The following PER3 variants were observed in gnomAD, a reference collection of about 807,000 sequenced individuals.
PER3 encodes period circadian regulator 3.
A neutral mutation model predicts 127.2 loss-of-function variants in PER3; 107 were observed. The ratio of observed to expected loss-of-function variants is 0.84; its 90% CI spans 0.72 to 0.99. PER3 has a LOEUF of 0.99. PER3 is among the 50% of genes least tolerant of loss of function. The pLI, the probability that PER3 is intolerant of heterozygous loss-of-function variation, is 0.00. For missense variants in PER3, 1,560 were observed against 1,525.8 expected, an observed-to-expected ratio of 1.02 and a Z score of -0.37; for synonymous variants, 618 against 585.8, an observed-to-expected ratio of 1.05 and a Z score of -0.79.
chr1:7,797,969 G>A (rs1233461796), intron 6 of PER3, among the ~76,000 whole-genome samples: 3 of 152,338 alleles, frequency 2.0e-5, no homozygotes, highest in East Asian at 1.9e-4. Context: ...CAGGGACAGG[G>A]CTTGCTGAAC....
At chr1:7,833,300 G>A (rs1026122210) in intron 19 of PER3, among the ~76,000 whole-genome samples, 2 of 152,168 alleles carry the variant, frequency 1.3e-5, no homozygotes, top group Non-Finnish European at 2.9e-5. Context: ...GGTTGATAAT[G>A]TTGATCCAAC....
At chr1:7,825,946 G>A (rs1454042421) in intron 16 of PER3, among the ~76,000 whole-genome samples, 3 of 151,572 alleles carry the variant, frequency 2.0e-5, no homozygotes, top group Admixed American at 6.6e-5. Context: ...TGTGGCACAC[G>A]CTTATAGTCC....
In PER3 at chr1:7,794,010, T is replaced by C; in HGVS notation, c.644+2T>C. 1 of 1,612,534 alleles carries C rather than the reference T, an allele frequency of 6.2e-7. No individual in the cohort carries two copies. The highest frequency in any genetic ancestry group is 8.5e-7 in the Non-Finnish European group (1 of 1,178,558). On this transcript the variant is annotated splice_donor_variant, in intron 6 of 21. Transcript: ENST00000377532. LOFTEE classifies it high-confidence loss of function. Reference sequence around the variant, plus strand: ...GAAACCTTTTTTCTGCAGGATCCGGTAAGTATAGTGGCTCGTGGAAGCCAG... The same window carrying C: ...GAAACCTTTTTTCTGCAGGATCCGGCAAGTATAGTGGCTCGTGGAAGCCAG...
chr1:7,788,167 T>C lies in PER3; in HGVS notation c.513T>C (p.Leu171=), dbSNP rs1205728491. 8 of 1,613,908 alleles carry C rather than the reference T, an allele frequency of 5.0e-6. No individual in the cohort carries two copies. The highest frequency in any genetic ancestry group is 6.8e-6 in the Non-Finnish European group (8 of 1,179,896). The change falls in exon 5 of 22, where the codon CTT becomes CTC. Residue 171 remains leucine, a synonymous_variant. Coordinates refer to ENST00000377532, the MANE Select transcript of PER3 (RefSeq NM_001377275.1). ...VLASSHFVDL[L]APQDMRVFYA... ...CGTCTTCTCACTTTGTTGACCTGCT[T>C]GCACCTCAAGACATGAGGGTATTCT...
At chr1:7,819,535 T>C in intron 14 of PER3, 115 bp downstream of exon 14, 3 of 893,480 alleles carry the variant, frequency 3.4e-6, no homozygotes, top group Non-Finnish European at 1.8e-6. Flanking sequence ...TCACTATAAA[T>C]CAGTAGACGT....
chr1:7,789,072 ATTTAT>A (rs1430940529), intron 5 of PER3, among the ~76,000 whole-genome samples: 1 of 151,486 alleles, frequency 6.6e-6, no homozygotes, highest in African/African-American at 2.4e-5. Flanking sequence ...TGTGATCTTA[ATTTAT>A]TTCTTTTTAG....
chr1:7,798,201 T>C (rs533142354), intron 6 of PER3, among the ~76,000 whole-genome samples: 10 of 152,354 alleles, frequency 6.6e-5, no homozygotes, highest in East Asian at 3.9e-4. Flanking sequence ...GAGACAGTTA[T>C]GCTTGTCCCT....
At chr1:7,789,832 A>G (rs550839009) in intron 5 of PER3, among the ~76,000 whole-genome samples, 3 of 152,326 alleles carry the variant, frequency 2.0e-5, no homozygotes, top group Non-Finnish European at 4.4e-5. Context: ...AAGCTCTAGA[A>G]AACATGCATG....
intron 8 of PER3, among the ~76,000 whole-genome samples, chr1:7,802,419 C>T (rs1280837556): frequency 3.9e-5 from 6 of 152,058 alleles, no homozygotes; most frequent in African/African-American, 9.7e-5. Context: ...CACACCACCA[C>T]ACCCGGCTAA....
chr1:7,830,258 A>G, intron 19 of PER3, 97 bp downstream of exon 19: 2 of 1,116,798 alleles, frequency 1.8e-6, no homozygotes, highest in Non-Finnish European at 2.6e-6. Context: ...ATGTGGAAGT[A>G]CAAGGTTTTT....
intron 21 of PER3, among the ~76,000 whole-genome samples, chr1:7,839,515 A>G (rs2097374329): frequency 6.6e-6 from 1 of 152,222 alleles, no homozygotes; most frequent in South Asian, 2.1e-4. Flanking sequence ...ACACAGCTTC[A>G]GGTTACTGTC....
Position 7,801,144 on chromosome 1 carries a change from C to A in PER3, c.825C>A (p.Phe275Leu). ...APRIPVNKRI[F>L]TTTHTPGCVF... ...GGATCCCAGTGAATAAAAGAATCTTCACCACCACACACACCCCAGGGTGTG... is the reference window on the plus strand; with the variant it reads ...GGATCCCAGTGAATAAAAGAATCTTAACCACCACACACACCCCAGGGTGTG... Residue 275 changes from phenylalanine (F) to leucine (L), a missense_variant, in exon 8 of 22, where the codon TTC becomes TTA. Phe to Leu is a conservative substitution (Grantham distance 22). Coordinates refer to ENST00000377532, the MANE Select transcript of PER3 (RefSeq NM_001377275.1). 6.2e-7 allele frequency: 1 copy of A among 1,607,254 alleles called. No individual in the cohort carries two copies. Among genetic ancestry groups the A allele is most frequent in the Non-Finnish European group, 8.5e-7 (1 of 1,175,962 alleles).
chr1:7,800,675 T>C (rs1187483270), intron 7 of PER3, among the ~76,000 whole-genome samples: 2 of 152,014 alleles, frequency 1.3e-5, no homozygotes, highest in African/African-American at 4.8e-5. Context: ...AAATGATTTA[T>C]GATGAGCCAG....
At chr1:7,796,505 G>A (rs1190681114) in intron 6 of PER3, among the ~76,000 whole-genome samples, 2 of 151,818 alleles carry the variant, frequency 1.3e-5, no homozygotes, top group Non-Finnish European at 2.9e-5. Flanking sequence ...TGTAGAGACG[G>A]GGTTTCTCCA....
intron 19 of PER3, among the ~76,000 whole-genome samples, chr1:7,830,387 C>T (rs899597725): frequency 2.6e-5 from 4 of 152,116 alleles, no homozygotes; most frequent in East Asian, 1.9e-4. Context: ...TTAGTGTAAG[C>T]GCTACCACAA....
chr1:7,844,899 T>C lies in PER3; in HGVS notation c.*2144T>C, dbSNP rs1029595851. 1 of 152,408 alleles carries C rather than the reference T, an allele frequency of 6.6e-6. No individual in the cohort carries two copies. Among genetic ancestry groups the C allele is most frequent in the Admixed American group, 6.5e-5 (1 of 15,290 alleles). The allele number at this position is 152,408 out of a possible 1,614,324, so 9.4% of individuals were successfully genotyped here. On this transcript the variant is annotated 3_prime_UTR_variant, in exon 22 of 22. Transcript: ENST00000377532. ...TGAAAGTGGTAATAAAAATTTATAT[T>C]ATAGGCTTCAATGTTTTCATGAATG...
chr1:7,796,314 G>A (rs2097145012), intron 6 of PER3, among the ~76,000 whole-genome samples: 1 of 69,248 alleles, frequency 1.4e-5, no homozygotes, highest in Non-Finnish European at 3.2e-5. Context: ...GTTCATTTCA[G>A]TTTCCTTTTT....
Position 7,826,610 on chromosome 1 carries a change from G to A in PER3, c.2088G>A (p.Gln696=), listed in dbSNP as rs1012187381. The change falls in exon 17 of 22, where the codon CAG becomes CAA. Residue 696 remains glutamine (Q), a synonymous_variant. Coordinates refer to ENST00000377532, the MANE Select transcript of PER3 (RefSeq NM_001377275.1). This position sits in a 1 kb window ranked among gnomAD's most constrained non-coding sequence, Gnocchi z 4.2. The part of the protein sequence containing the change: ...VLSAHTQKEE[Q]NYVDKFREKI... The stretch of plus-strand genomic sequence containing the variant: ...CAGCGCACACCCAGAAGGAAGAGCA[G>A]AATTATGTTGATAAATTCCGAGAAA... The A allele has an allele frequency of 1.2e-6, 2 of 1,613,452 alleles. No homozygotes were observed. The highest frequency in any genetic ancestry group is 1.7e-6 in the Non-Finnish European group (2 of 1,179,528).
rs112027086 is a variant in PER3 at position 7,784,740 on chromosome 1, C to T, written c.-138C>T. On this transcript the variant is annotated 5_prime_UTR_variant, in exon 2 of 22. Coordinates refer to ENST00000377532, the MANE Select transcript of PER3 (RefSeq NM_001377275.1). ...CGGAGATGAGCGTGACCCCCTGGCT[C>T]GTGGTGGCCGCCTGTTCTCACTAAC... is the stretch of plus-strand genomic sequence containing the variant. The T allele has an allele frequency of 2.1e-3, 1,841 of 867,310 alleles. 32 individuals carry two copies. In the African/African-American group the frequency reaches 0.028, roughly 13 times the overall value. 53.7% of individuals were successfully genotyped at this position (867,310 alleles called of 1,614,324 possible).
Sources: gnomAD v4.1 joint callset for allele counts (sites outside exome capture counted in the v4.1 genomes callset) on GRCh38, gnomAD v4.1.1 for gene constraint, Gnocchi (gnomAD v3.1) non-coding constraint, MANE v1.5 for transcripts, NCBI Gene and HGNC (gene_info 2026-07-23, HGNC 2026-07-21) for gene names.